IPO5: variants seen among roughly 807,000 people sequenced by gnomAD.
IPO5 encodes importin-5.
IPO5 carries 18 observed loss-of-function variants against 143.3 expected under a neutral mutation model. That is an observed-to-expected ratio of 0.13 (90% CI 0.09 to 0.19). IPO5 has a LOEUF of 0.19. IPO5 is among the 10% of genes least tolerant of loss of function. The probability of loss-of-function intolerance (pLI) is 1.00; values close to 1 mark genes in which losing one functional copy is unlikely to be tolerated. For synonymous variants in IPO5, 477 were observed against 465.7 expected, an observed-to-expected ratio of 1.02 and a Z score of -0.31; for missense variants, 1,013 against 1,336.9, an observed-to-expected ratio of 0.76 and a Z score of 3.78.
At chr13:98,020,786 T>G (rs1470264293) in intron 27 of IPO5, among the ~76,000 whole-genome samples, 1 of 152,212 alleles carries the variant, frequency 6.6e-6, no homozygotes, top group African/African-American at 2.4e-5. Flanking sequence ...TTTAGAGCAT[T>G]CTGTTGTTTG....
intron 22 of IPO5, among the ~76,000 whole-genome samples, 188 bp from the exon 23 acceptor site, chr13:98,015,342 A>G (rs1282908346): frequency 6.6e-6 from 1 of 151,954 alleles, no homozygotes; most frequent in Non-Finnish European, 1.5e-5. Context: ...TGTTCAAAAG[A>G]AAATATTTTT....
At chr13:97,983,965 CTTTTTTTTTTTTTTTTTT>C (rs71117684) in intron 5 of IPO5, among the ~76,000 whole-genome samples, 12 of 45,824 alleles carry the variant, frequency 2.6e-4, no homozygotes, top group Admixed American at 2.0e-3. Flanking sequence ...AGGGTAACTT[CTTTTTTTTTTTTTTTTTT>C]TTTTTTTTTT....
At chr13:98,020,216 A>C (rs1177076096) in intron 27 of IPO5, among the ~76,000 whole-genome samples, 2 of 152,152 alleles carry the variant, frequency 1.3e-5, no homozygotes, top group Non-Finnish European at 2.9e-5. Context: ...GCCTAAGGGA[A>C]TGTTGTTTAG....
chr13:97,984,986 C>G (rs879274142), intron 5 of IPO5, among the ~76,000 whole-genome samples: 1 of 152,086 alleles, frequency 6.6e-6, no homozygotes, highest in African/African-American at 2.4e-5. Flanking sequence ...ATCTAAGATG[C>G]TAATGAAAGG....
chr13:97,975,514 A>G (rs531341871), intron 3 of IPO5: 1 of 152,302 alleles, frequency 6.6e-6, no homozygotes, highest in African/African-American at 2.4e-5. Context: ...AATGTATTGG[A>G]TACAACAGGG....
intron 6 of IPO5, 148 bp from the exon 7 acceptor site, chr13:97,988,914 C>T: frequency 2.2e-6 from 1 of 463,146 alleles, no homozygotes; most frequent in Non-Finnish European, 3.8e-6. Flanking sequence ...GGCTAAAGGA[C>T]AGAATTTTGT....
At chr13:97,992,832 G>A (rs961269867) in intron 9 of IPO5, 60 bp from the exon 10 acceptor site, 1 of 1,511,660 alleles carries the variant, frequency 6.6e-7, no homozygotes, top group Non-Finnish European at 9.0e-7. Flanking sequence ...GGAATCTTTT[G>A]GCTAATGAGG....
intron 2 of IPO5, among the ~76,000 whole-genome samples, chr13:97,967,398 T>C (rs907839439): frequency 6.6e-6 from 1 of 152,136 alleles, no homozygotes; most frequent in South Asian, 2.1e-4. Context: ...TATTTCCTTT[T>C]AGTCTTCTTT....
At chr13:97,969,630 T>C (rs1042773606) in intron 2 of IPO5, 93 bp from the exon 3 acceptor site, 2 of 679,454 alleles carry the variant, frequency 2.9e-6, no homozygotes, top group African/African-American at 3.7e-5. Flanking sequence ...CTGATAAGGA[T>C]TTATTCTTCA....
intron 20 of IPO5, among the ~76,000 whole-genome samples, chr13:98,012,000 A>G (rs1889757910): frequency 6.6e-6 from 1 of 152,096 alleles, no homozygotes. Context: ...TGAAGGGACA[A>G]TATATACGAC....
chr13:97,957,102 A>G (rs1884515568), intron 2 of IPO5, among the ~76,000 whole-genome samples: 2 of 152,168 alleles, frequency 1.3e-5, no homozygotes. Context: ...CTCAAATGAA[A>G]ACTTAAGTGT....
chr13:97,989,348 G>T (rs182726295), intron 7 of IPO5, among the ~76,000 whole-genome samples, 184 bp downstream of exon 7: 148 of 152,094 alleles, frequency 9.7e-4, no homozygotes, highest in Admixed American at 1.1e-3. Flanking sequence ...TTCACATTAT[G>T]ATCTTTTTTG....
chr13:97,961,154 T>A (rs1884850260), intron 2 of IPO5, among the ~76,000 whole-genome samples: 1 of 152,370 alleles, frequency 6.6e-6, no homozygotes, highest in East Asian at 1.9e-4. Context: ...ACATGTATCA[T>A]TACTTTATTC....
At chr13:97,967,874 G>A (rs532753057) in intron 2 of IPO5, among the ~76,000 whole-genome samples, 9 of 152,102 alleles carry the variant, frequency 5.9e-5, no homozygotes, top group South Asian at 4.2e-4. Context: ...CTTGTGATCC[G>A]CCCACCTCGG....
intron 12 of IPO5, among the ~76,000 whole-genome samples, chr13:97,999,411 GTGC>G (rs1011905344): frequency 8.5e-5 from 13 of 152,146 alleles, no homozygotes; most frequent in African/African-American, 3.1e-4. Flanking sequence ...TTACTGTAAT[GTGC>G]TGCTACCTGT....
chr13:98,013,363 G>C (rs1765521), intron 21 of IPO5, among the ~76,000 whole-genome samples: 3,857 of 152,156 alleles, frequency 0.025, 150 homozygotes, highest in African/African-American at 0.086. Flanking sequence ...CATAATGATA[G>C]CCGTAATTAA....
At chr13:97,964,567 A>G (rs1885153988) in intron 2 of IPO5, among the ~76,000 whole-genome samples, 1 of 149,172 alleles carries the variant, frequency 6.7e-6, no homozygotes, top group African/African-American at 2.5e-5. Context: ...CCTGCCGAGT[A>G]GCTGGGACTA....
At chr13:97,982,635 A>G (rs1594058643) in intron 5 of IPO5, 52 bp downstream of exon 5, 1 of 1,113,418 alleles carries the variant, frequency 9.0e-7, no homozygotes, top group East Asian at 2.4e-5. Flanking sequence ...AAGTTATTAG[A>G]TGATGATCAT....
intron 13 of IPO5, 30 bp downstream of exon 13, chr13:98,000,675 G>T (rs1371308396): frequency 7.1e-7 from 1 of 1,413,264 alleles, no homozygotes; most frequent in East Asian, 2.3e-5. Context: ...TGCTAGAAGA[G>T]TGAAGTTGTG....
Sources: allele counts gnomAD v4.1 joint callset (sites outside exome capture counted in the v4.1 genomes callset), GRCh38; gene constraint gnomAD v4.1.1; transcripts MANE v1.5; gene names NCBI Gene and HGNC (gene_info 2026-07-23, HGNC 2026-07-21).